The following SCHIP1 variants were observed in gnomAD, a reference collection of about 807,000 sequenced individuals.
SCHIP1 encodes the protein schwannomin-interacting protein 1.
In SCHIP1, 8 loss-of-function variants were observed where a neutral mutation model predicts 29.7. That is an observed-to-expected ratio of 0.27 (90% CI 0.16 to 0.49). The LOEUF (loss-of-function observed/expected upper bound fraction) is 0.49. Ranked by LOEUF, SCHIP1 falls within the 20% of genes least tolerant of loss-of-function variation. The probability of loss-of-function intolerance (pLI) is 0.99; values close to 1 mark genes in which losing one functional copy is unlikely to be tolerated. For synonymous variants in SCHIP1, 76 were observed against 94.9 expected (o/e 0.80, Z 1.16); for missense variants, 193 against 294.6 (o/e 0.66, Z 2.52).
the SCHIP1 span, chr3:159,274,820 C>A: frequency 4.3e-5 from 26 of 609,726 alleles, no homozygotes; most frequent in Non-Finnish European, 5.3e-5. Flanking sequence ...TATGCAGAAT[C>A]ATTTATTTTA....
the SCHIP1 span, among the ~76,000 whole-genome samples, chr3:159,535,390 G>A: frequency 6.6e-6 from 1 of 152,112 alleles, no homozygotes; most frequent in African/African-American, 2.4e-5. Flanking sequence ...CTTGACTCCT[G>A]CCTGTGAACT....
chr3:159,423,370 C>T, the SCHIP1 span, among the ~76,000 whole-genome samples: 52 of 152,322 alleles, frequency 3.4e-4, no homozygotes, highest in African/African-American at 1.0e-3. Flanking sequence ...TGCACTTTTC[C>T]GACGGGCTTA....
At chr3:159,553,252 A>G in the SCHIP1 span, among the ~76,000 whole-genome samples, 1 of 133,656 alleles carries the variant, frequency 7.5e-6, no homozygotes, top group African/African-American at 3.3e-5. Flanking sequence ...GTACTCATTC[A>G]AATGGAAAAG....
At chr3:159,878,934 A>T (rs1716161843) in intron 2 of SCHIP1, among the ~76,000 whole-genome samples, 1 of 151,474 alleles carries the variant, frequency 6.6e-6, no homozygotes. Context: ...CAAAAAAAAA[A>T]AAGATGTATT....
chr3:159,470,377 A>G, the SCHIP1 span, among the ~76,000 whole-genome samples: 2 of 152,178 alleles, frequency 1.3e-5, no homozygotes, highest in African/African-American at 4.8e-5. Context: ...GAAAAAAACC[A>G]TCTGGCATAA....
At chr3:159,490,337 A>C in the SCHIP1 span, among the ~76,000 whole-genome samples, 1 of 152,218 alleles carries the variant, frequency 6.6e-6, no homozygotes, top group Non-Finnish European at 1.5e-5. Flanking sequence ...TTTTTCTTAG[A>C]TCTCACCTTC....
chr3:159,668,079 G>A, the SCHIP1 span, among the ~76,000 whole-genome samples: 9 of 152,300 alleles, frequency 5.9e-5, no homozygotes, highest in African/African-American at 1.9e-4. Flanking sequence ...AGGTTAAAGA[G>A]TGAGTCCCGG....
At chr3:159,738,765 GT>G in the SCHIP1 span, among the ~76,000 whole-genome samples, 2 of 152,214 alleles carry the variant, frequency 1.3e-5, no homozygotes, top group Admixed American at 1.3e-4. Flanking sequence ...GTGATAAAGC[GT>G]GTTCAGTGAG....
the SCHIP1 span, among the ~76,000 whole-genome samples, chr3:159,731,739 C>A: frequency 1.3e-5 from 2 of 152,224 alleles, no homozygotes; most frequent in African/African-American, 4.8e-5. Context: ...GAAGCAGAAG[C>A]CCTTTCATAT....
chr3:159,278,942 G>C, the SCHIP1 span, among the ~76,000 whole-genome samples: 1 of 152,048 alleles, frequency 6.6e-6, no homozygotes, highest in Non-Finnish European at 1.5e-5. Flanking sequence ...TCAACACATG[G>C]CTCTCAAGAC....
At chr3:159,705,381 G>T in the SCHIP1 span, among the ~76,000 whole-genome samples, 5 of 152,252 alleles carry the variant, frequency 3.3e-5, no homozygotes, top group African/African-American at 1.2e-4. Flanking sequence ...GAGAATAAAT[G>T]GTACATGTTT....
intron 1 of SCHIP1, among the ~76,000 whole-genome samples, chr3:159,844,767 A>C (rs529870226): frequency 6.6e-6 from 1 of 152,330 alleles, no homozygotes; most frequent in African/African-American, 2.4e-5. Flanking sequence ...GTTTTGGGAT[A>C]AGTGTGTATA....
At chr3:159,427,156 C>G in the SCHIP1 span, among the ~76,000 whole-genome samples, 3 of 152,064 alleles carry the variant, frequency 2.0e-5, no homozygotes, top group Non-Finnish European at 4.4e-5. Flanking sequence ...AGGATGCCCT[C>G]TCTCACCACT....
chr3:159,726,374 T>A, the SCHIP1 span, among the ~76,000 whole-genome samples: 1 of 152,224 alleles, frequency 6.6e-6, no homozygotes, highest in Non-Finnish European at 1.5e-5. Flanking sequence ...TTGCATTTTT[T>A]GGCAGAGTTC....
At chr3:159,596,732 AG>A in the SCHIP1 span, among the ~76,000 whole-genome samples, 1 of 150,138 alleles carries the variant, frequency 6.7e-6, no homozygotes, top group African/African-American at 2.4e-5. Context: ...TCTCACTTAT[AG>A]GTGGGAACTG....
At chr3:159,590,285 A>C in the SCHIP1 span, among the ~76,000 whole-genome samples, 1 of 152,204 alleles carries the variant, frequency 6.6e-6, no homozygotes, top group African/African-American at 2.4e-5. Context: ...AAAGAACCAA[A>C]CCAGTAGAGC....
At chr3:159,887,612 C>A in intron 3 of SCHIP1, 96 bp from the exon 5 acceptor site, 1 of 1,409,532 alleles carries the variant, frequency 7.1e-7, no homozygotes, top group Non-Finnish European at 9.9e-7. Flanking sequence ...CTCTGAGCTG[C>A]TCTGAGAGAA....
the SCHIP1 span, among the ~76,000 whole-genome samples, chr3:159,393,299 T>G: frequency 1.3e-5 from 2 of 152,138 alleles, no homozygotes; most frequent in African/African-American, 2.4e-5. Flanking sequence ...TTTTGCTGTG[T>G]AGAAGCTCTT....
At chr3:159,710,148 T>C in the SCHIP1 span, among the ~76,000 whole-genome samples, 86 of 152,338 alleles carry the variant, frequency 5.6e-4, 1 homozygote, top group Non-Finnish European at 8.1e-4. Flanking sequence ...CCATATTCAC[T>C]GCAGTTCTAT....
Sources: allele counts gnomAD v4.1 joint callset (sites outside exome capture counted in the v4.1 genomes callset), GRCh38; gene constraint gnomAD v4.1.1; transcripts MANE v1.5; gene names NCBI Gene and HGNC (gene_info 2026-07-23, HGNC 2026-07-21).